PHACTR1: variants seen among roughly 807,000 people sequenced by gnomAD.
The protein encoded by PHACTR1 is RPEL repeat containing 1.
PHACTR1 carries 16 observed loss-of-function variants against 69.2 expected under a neutral mutation model. The observed-to-expected ratio is 0.23, with a 90% CI of 0.16 to 0.35. The LOEUF (loss-of-function observed/expected upper bound fraction) is 0.35. Ranked by LOEUF, PHACTR1 falls within the 10% of genes least tolerant of loss-of-function variation. PHACTR1 has a pLI of 1.00. For missense variants in PHACTR1, 510 were observed against 734.7 expected (o/e 0.69, Z 3.54); for synonymous variants, 312 against 284.5 (o/e 1.10, Z -0.97).
chr6:13,184,718 C>A (rs1762612889), intron 7 of PHACTR1: 1 of 1,141,062 alleles, frequency 8.8e-7, no homozygotes, highest in Non-Finnish European at 1.2e-6. Context: ...CAGCCCGAGT[C>A]CCTGTCCTGT....
At chr6:13,076,079 C>A (rs1810427438) in intron 5 of PHACTR1, among the ~76,000 whole-genome samples, 1 of 148,888 alleles carries the variant, frequency 6.7e-6, no homozygotes, top group South Asian at 2.1e-4. Flanking sequence ...CTCATTGTGC[C>A]CCATTGTTTG....
chr6:12,856,720 C>G (rs1045502692), intron 4 of PHACTR1, among the ~76,000 whole-genome samples: 1 of 152,200 alleles, frequency 6.6e-6, no homozygotes, highest in Non-Finnish European at 1.5e-5. Context: ...TCCTGCGTTC[C>G]CTGATCGGCT....
At chr6:12,830,122 AAAGAAAG>A (rs1230104777) in intron 4 of PHACTR1, among the ~76,000 whole-genome samples, 8 of 126,264 alleles carry the variant, frequency 6.3e-5, no homozygotes, top group Middle Eastern at 4.0e-3. Context: ...AGAAAGAAAG[AAAGAAAG>A]AAAGAAAGAA....
At chr6:12,718,001 C>T (rs964493063) in intron 2 of PHACTR1, among the ~76,000 whole-genome samples, 1 of 151,352 alleles carries the variant, frequency 6.6e-6, no homozygotes, top group African/African-American at 2.4e-5. Flanking sequence ...TGAATGTTTT[C>T]TGGGGAAGTA....
chr6:13,256,004 G>A (rs984289728), intron 10 of PHACTR1, among the ~76,000 whole-genome samples: 1 of 152,240 alleles, frequency 6.6e-6, no homozygotes, highest in South Asian at 2.1e-4. Flanking sequence ...CTTAGCAGAG[G>A]TTCTCCATGA....
intron 4 of PHACTR1, among the ~76,000 whole-genome samples, chr6:12,874,459 T>C (rs1782348583): frequency 6.6e-6 from 1 of 152,190 alleles, no homozygotes; most frequent in Admixed American, 6.5e-5. Flanking sequence ...CAAATGGCTA[T>C]TCATCATATC....
chr6:13,060,012 C>T (rs1001200551), intron 5 of PHACTR1, among the ~76,000 whole-genome samples: 7 of 152,054 alleles, frequency 4.6e-5, no homozygotes, highest in Non-Finnish European at 1.0e-4. Context: ...GTCCCTAAGA[C>T]TAGATAGAGG....
At chr6:13,043,444 G>T (rs1030427628) in intron 4 of PHACTR1, among the ~76,000 whole-genome samples, 22 of 152,048 alleles carry the variant, frequency 1.4e-4, no homozygotes, top group African/African-American at 5.1e-4. Context: ...AAAGGCGGGT[G>T]GGGGGTGGCG....
chr6:13,243,454 G>A (rs1436405104), intron 10 of PHACTR1, among the ~76,000 whole-genome samples: 1 of 151,956 alleles, frequency 6.6e-6, no homozygotes, highest in African/African-American at 2.4e-5. Context: ...CCTAAACCTT[G>A]GTTAAAAGGT....
intron 8 of PHACTR1, among the ~76,000 whole-genome samples, chr6:13,208,295 C>A (rs569221290): frequency 6.6e-6 from 1 of 152,188 alleles, no homozygotes; most frequent in Admixed American, 6.5e-5. Flanking sequence ...TCTGCAACCA[C>A]GTAAGTGCAG....
chr6:12,914,606 C>T (rs979103489), intron 4 of PHACTR1, among the ~76,000 whole-genome samples: 2 of 152,118 alleles, frequency 1.3e-5, no homozygotes, highest in Non-Finnish European at 2.9e-5. Flanking sequence ...TGAATTCATT[C>T]TCTTTACCAC....
intron 4 of PHACTR1, among the ~76,000 whole-genome samples, chr6:12,860,730 C>G (rs925410212): frequency 6.6e-5 from 10 of 152,142 alleles, no homozygotes; most frequent in African/African-American, 2.4e-4. Context: ...TTTTGATTTG[C>G]ATTTCTCTAA....
chr6:12,850,695 C>T (rs908568319), intron 4 of PHACTR1, among the ~76,000 whole-genome samples: 2 of 152,190 alleles, frequency 1.3e-5, no homozygotes, highest in African/African-American at 4.8e-5. Flanking sequence ...GGAGGAGCCT[C>T]CCTTGCCTCT....
intron 10 of PHACTR1, among the ~76,000 whole-genome samples, chr6:13,234,078 A>G (rs993393960): frequency 1.3e-5 from 2 of 152,216 alleles, no homozygotes; most frequent in African/African-American, 4.8e-5. Context: ...GCAGACCCAA[A>G]GAGTTTTAGG....
chr6:13,142,542 T>G (rs1822655058), intron 5 of PHACTR1, among the ~76,000 whole-genome samples: 1 of 152,230 alleles, frequency 6.6e-6, no homozygotes, highest in Non-Finnish European at 1.5e-5. Flanking sequence ...TGCTCTACTG[T>G]TTAGGTCTGT....
intron 4 of PHACTR1, among the ~76,000 whole-genome samples, chr6:12,899,709 A>T (rs1785003340): frequency 1.3e-5 from 2 of 152,270 alleles, no homozygotes. Context: ...TAAGCCCTGC[A>T]GTGTGGTTTC....
At chr6:13,007,726 G>A (rs1159462340) in intron 4 of PHACTR1, among the ~76,000 whole-genome samples, 1 of 144,702 alleles carries the variant, frequency 6.9e-6, no homozygotes, top group African/African-American at 2.5e-5. Flanking sequence ...CAGTGGTAAT[G>A]TGGAAGAGAA....
At chr6:12,766,736 A>G (rs1219166266) in intron 4 of PHACTR1, among the ~76,000 whole-genome samples, 1 of 152,228 alleles carries the variant, frequency 6.6e-6, no homozygotes. Flanking sequence ...ACACATACAA[A>G]TAGTTTAGGC....
At chr6:13,131,212 C>CAT (rs1181483893) in intron 5 of PHACTR1, among the ~76,000 whole-genome samples, 739 of 28,726 alleles carry the variant, frequency 0.026, 5 homozygotes, top group Admixed American at 0.039. Context: ...TACACATACA[C>CAT]ACACACACAC....
Sources: allele counts gnomAD v4.1 joint callset (sites outside exome capture counted in the v4.1 genomes callset), GRCh38; gene constraint gnomAD v4.1.1; transcripts MANE v1.5; gene names NCBI Gene and HGNC (gene_info 2026-07-23, HGNC 2026-07-21).